IRAG2: variants seen among roughly 807,000 people sequenced by gnomAD.
IRAG2 encodes the protein inositol 1,4,5-triphosphate receptor associated 2.
IRAG2 carries 45 observed loss-of-function variants against 69.9 expected under a neutral mutation model. The ratio of observed to expected loss-of-function variants is 0.64; its 90% CI spans 0.51 to 0.83. The LOEUF (loss-of-function observed/expected upper bound fraction) is 0.83, where lower values mean the gene tolerates loss of function less well. IRAG2 is among the 40% of genes least tolerant of loss of function. The pLI is 0.00. For synonymous variants in IRAG2, 193 were observed against 202.4 expected (o/e 0.95, Z 0.40); for missense variants, 520 against 587.0 (o/e 0.89, Z 1.18).
At chr12:25,044,058 A>T (rs1169767076) in intron 16 of IRAG2, among the ~76,000 whole-genome samples, 1 of 152,224 alleles carries the variant, frequency 6.6e-6, no homozygotes, top group Non-Finnish European at 1.5e-5. Context: ...TATAAAAGTT[A>T]AAAGTATTAT....
chr12:25,054,280 G>A (rs1435314257), intron 1 of IRAG2, among the ~76,000 whole-genome samples: 1 of 152,152 alleles, frequency 6.6e-6, no homozygotes, highest in Non-Finnish European at 1.5e-5. Context: ...CTTGTGATTA[G>A]AACTGTTCAT....
intron 10 of IRAG2, among the ~76,000 whole-genome samples, chr12:25,085,983 C>T (rs1193648899): frequency 6.6e-6 from 1 of 152,116 alleles, no homozygotes; most frequent in Non-Finnish European, 1.5e-5. Flanking sequence ...AGCACATATG[C>T]TGAAAATGGT....
intron 4 of IRAG2, among the ~76,000 whole-genome samples, chr12:25,064,870 G>C (rs1283910519): frequency 6.6e-6 from 1 of 152,094 alleles, no homozygotes; most frequent in Non-Finnish European, 1.5e-5. Flanking sequence ...TGGGCGGATT[G>C]CTTGAGGTCA....
intron 10 of IRAG2, among the ~76,000 whole-genome samples, chr12:25,086,461 G>A (rs1215917480): frequency 6.6e-6 from 1 of 152,108 alleles, no homozygotes; most frequent in Admixed American, 6.5e-5. Flanking sequence ...TTTTATATAC[G>A]GCTGCATACC....
chr12:25,021,940 C>CA (rs1185495419), intron 7 of IRAG2, among the ~76,000 whole-genome samples: 1 of 152,166 alleles, frequency 6.6e-6, no homozygotes, highest in African/African-American at 2.4e-5. Context: ...AGGAAAGACT[C>CA]AATCTGGGAC....
chr12:25,070,005 A>C (rs908536459), intron 6 of IRAG2, among the ~76,000 whole-genome samples: 1 of 152,216 alleles, frequency 6.6e-6, no homozygotes, highest in African/African-American at 2.4e-5. Flanking sequence ...AATGCCTTCC[A>C]CAGTCTGCAC....
intron 12 of IRAG2, among the ~76,000 whole-genome samples, chr12:25,033,017 C>T (rs984979276): frequency 6.0e-5 from 9 of 149,796 alleles, no homozygotes; most frequent in South Asian, 2.1e-4. Flanking sequence ...AGTGCAGTGG[C>T]GTGATCTCGG....
At chr12:25,075,110 A>G (rs1946592980) in intron 6 of IRAG2, among the ~76,000 whole-genome samples, 1 of 152,216 alleles carries the variant, frequency 6.6e-6, no homozygotes, top group South Asian at 2.1e-4. Flanking sequence ...AAAGAGAAAA[A>G]ATAAATGCAA....
chr12:25,035,591 G>T, intron 13 of IRAG2: 1 of 398,526 alleles, frequency 2.5e-6, no homozygotes, highest in Non-Finnish European at 4.4e-6. Context: ...TTTTTGTTAA[G>T]TGAAAGTAAT....
chr12:25,055,825 A>G (rs911296003), intron 1 of IRAG2, among the ~76,000 whole-genome samples: 1 of 151,896 alleles, frequency 6.6e-6, no homozygotes, highest in Non-Finnish European at 1.5e-5. Context: ...TAGGATGTGT[A>G]TATAACATAT....
intron 16 of IRAG2, chr12:25,038,174 T>C: frequency 2.5e-6 from 1 of 398,542 alleles, no homozygotes; most frequent in Non-Finnish European, 4.4e-6. Flanking sequence ...CCATGCTTTA[T>C]ATACATGACA....
In IRAG2 at chr12:25,041,987, G is replaced by A. The variant is rs1378049227; in HGVS notation, c.2144+3850G>A. On this transcript the variant is annotated intron_variant, in intron 16 of 38. Transcript: ENST00000636465. ...TGTGTGTGTGTGTGTGTGTGTGTGT[G>A]TGTGTATGTGTATGTGTGTTTGTTT... is the stretch of plus-strand genomic sequence containing the variant. Among the ~76,000 whole-genome samples the A allele has an allele frequency of 6.3e-5, 9 of 142,106 alleles. No individual in the cohort carries two copies. The East Asian group carries it at 1.0e-3, about 16-fold the overall frequency. 93.2% of individuals were successfully genotyped at this position (142,106 alleles called of 152,430 possible).
intron 3 of IRAG2, among the ~76,000 whole-genome samples, chr12:25,012,583 T>G (rs927133355): frequency 6.6e-6 from 1 of 151,986 alleles, no homozygotes; most frequent in Non-Finnish European, 1.5e-5. Flanking sequence ...ATCCCAGCAT[T>G]TTGGGAGGCT....
intron 4 of IRAG2, among the ~76,000 whole-genome samples, chr12:25,064,461 T>C (rs1169785170): frequency 2.6e-5 from 4 of 152,072 alleles, no homozygotes; most frequent in African/African-American, 9.7e-5. Context: ...GAAAATTGGG[T>C]TGTGGGTCAA....
chr12:25,055,143 T>A (rs555788847), intron 1 of IRAG2, among the ~76,000 whole-genome samples: 3 of 152,388 alleles, frequency 2.0e-5, no homozygotes, highest in African/African-American at 7.2e-5. Context: ...ATGCAGCTGG[T>A]TTGTCCAAAT....
At chr12:25,019,641 TA>T in intron 6 of IRAG2, among the ~76,000 whole-genome samples, 1 of 152,224 alleles carries the variant, frequency 6.6e-6, no homozygotes, top group East Asian at 1.9e-4. Flanking sequence ...GGGTACAGGA[TA>T]GGGGGCATGG....
In IRAG2 at chr12:25,090,183, T is replaced by C; in HGVS notation, c.592T>C (p.Leu198=). The change falls in exon 14 of 22, where the codon TTA becomes CTA. Residue 198 remains leucine, a synonymous_variant. Coordinates refer to ENST00000556887, the MANE Select transcript of IRAG2 (RefSeq NM_001366544.2). ...TTTGAAGAAAGAAATCACTAACTGTTTAAAACTATTAGAGGTGAGAATCAG... is the reference window on the plus strand; with the variant it reads ...TTTGAAGAAAGAAATCACTAACTGTCTAAAACTATTAGAGGTGAGAATCAG... ...ENLKKEITNC[L]KLLESLTPLC... 2 of 1,613,616 alleles carry C rather than the reference T, an allele frequency of 1.2e-6. No homozygotes were observed. Among genetic ancestry groups the C allele is most frequent in the Non-Finnish European group, 1.7e-6 (2 of 1,179,702 alleles).
At chr12:25,039,838 C>T (rs1255749894) in intron 16 of IRAG2, among the ~76,000 whole-genome samples, 2 of 152,120 alleles carry the variant, frequency 1.3e-5, no homozygotes, top group Non-Finnish European at 2.9e-5. Context: ...ACAAGCAGCC[C>T]GGTTAAATAA....
At chr12:25,092,400 C>CAAA (rs776677425) in intron 14 of IRAG2, among the ~76,000 whole-genome samples, 11,697 of 117,168 alleles carry the variant, frequency 0.1, 796 homozygotes, top group Middle Eastern at 0.19. Flanking sequence ...AACTCCATCT[C>CAAA]AAAAAAAAAA....
Sources: allele counts gnomAD v4.1 joint callset (sites outside exome capture counted in the v4.1 genomes callset), GRCh38; gene constraint gnomAD v4.1.1; transcripts MANE v1.5; gene names NCBI Gene and HGNC (gene_info 2026-07-23, HGNC 2026-07-21).